The following TNRC6B variants were observed in gnomAD, a reference collection of about 807,000 sequenced individuals.
TNRC6B encodes the protein trinucleotide repeat-containing gene 6B protein.
TNRC6B carries 52 observed loss-of-function variants against 203.6 expected under a neutral mutation model. The observed-to-expected ratio is 0.26, with a 90% CI of 0.20 to 0.32. The LOEUF is 0.32. TNRC6B is among the 10% of genes least tolerant of loss of function. The probability of loss-of-function intolerance (pLI) is 1.00; values close to 1 mark genes in which losing one functional copy is unlikely to be tolerated. For synonymous variants in TNRC6B, 838 were observed against 845.7 expected (o/e 0.99, Z 0.16); for missense variants, 1,923 against 2,286.2 (o/e 0.84, Z 3.24).
chr22:40,322,925 A>C lies in TNRC6B; in HGVS notation c.5186A>C (p.Gln1729Pro). Residue 1729 changes from glutamine (Q) to proline (P), a missense_variant, in exon 23 of 23, where the codon CAA becomes CCA. By Grantham distance (76) the Gln-to-Pro change is moderately conservative. This residue lies in a region of TNRC6B where 126 missense variants were observed against 137.5 expected (regional missense o/e 0.92). Coordinates refer to ENST00000454349, the MANE Select transcript of TNRC6B (RefSeq NM_001162501.2). The stretch of plus-strand genomic sequence containing the variant: ...GATGAAGTCAGCCGCTTTCTGGCAC[A>C]AGCTCAGCCCCCTACACCTGCAGCA... Reference protein sequence around the residue: ...TDDEVSRFLAQAQPPTPAATP... With the variant: ...TDDEVSRFLAPAQPPTPAATP... The C allele has an allele frequency of 6.2e-7, 1 of 1,613,898 alleles. No individual in the cohort carries two copies. Among genetic ancestry groups the C allele is most frequent in the Non-Finnish European group, 8.5e-7 (1 of 1,179,848 alleles).
intron 3 of TNRC6B, among the ~76,000 whole-genome samples, chr22:40,144,025 A>G (rs988816411): frequency 2.6e-5 from 4 of 152,238 alleles, no homozygotes; most frequent in Non-Finnish European, 4.4e-5. Context: ...TAATGCCATT[A>G]TACACTCACC....
In TNRC6B at chr22:40,283,228, T is replaced by C. The variant is rs1044354634; in HGVS notation, c.3582+1939T>C. 7.9e-5 allele frequency among the ~76,000 whole-genome samples: 12 copies of C among 152,168 alleles called. No homozygotes were observed. In the South Asian group the frequency reaches 1.5e-3, roughly 18 times the overall value. Reference sequence around the variant, plus strand: ...TAATTTTTTGTATTTTTAGTAGAGATGGAGTTTCACCATGTTAGCCGGGAT... The same window carrying C: ...TAATTTTTTGTATTTTTAGTAGAGACGGAGTTTCACCATGTTAGCCGGGAT... On this transcript the variant is annotated intron_variant, in intron 11 of 22. Coordinates refer to ENST00000454349, the MANE Select transcript of TNRC6B (RefSeq NM_001162501.2).
At chr22:40,075,156 A>ATTTTTTTTTTTTTTTTT (rs58240994) in intron 1 of TNRC6B, among the ~76,000 whole-genome samples, 23 of 35,568 alleles carry the variant, frequency 6.5e-4, no homozygotes, top group South Asian at 2.1e-3. Flanking sequence ...ATATATATAT[A>ATTTTTTTTTTTTTTTTT]TTTTTTTTTT....
intron 3 of TNRC6B, among the ~76,000 whole-genome samples, chr22:40,132,943 C>CAAAAATAAAAAATAAAAAAAAAAA (rs1292227314): frequency 4.2e-5 from 1 of 23,872 alleles, no homozygotes. Flanking sequence ...GACTCTGTCT[C>CAAAAATAAAAAATAAAAAAAAAAA]AAAAAAAAAA....
chr22:40,124,706 G>A (rs1397669898), intron 2 of TNRC6B, among the ~76,000 whole-genome samples: 1 of 151,918 alleles, frequency 6.6e-6, no homozygotes, highest in African/African-American at 2.4e-5. Flanking sequence ...GGAGATTTGT[G>A]TCATTTGAAT....
At chr22:40,291,615 G>A (rs2070870302) in intron 12 of TNRC6B, among the ~76,000 whole-genome samples, 2 of 152,094 alleles carry the variant, frequency 1.3e-5, no homozygotes, top group South Asian at 2.1e-4. Flanking sequence ...TAGCATTCAC[G>A]GTGATCATAA....
At chr22:40,117,801 A>T (rs923045710) in intron 2 of TNRC6B, among the ~76,000 whole-genome samples, 4 of 151,976 alleles carry the variant, frequency 2.6e-5, no homozygotes, top group Non-Finnish European at 2.9e-5. Context: ...TTTCTTTTTC[A>T]TCTGTATTCT....
At chr22:40,317,089 C>G (rs2071270279) in intron 21 of TNRC6B, among the ~76,000 whole-genome samples, 1 of 152,204 alleles carries the variant, frequency 6.6e-6, no homozygotes, top group Non-Finnish European at 1.5e-5. Context: ...AAGACCTGAA[C>G]CTATACTTCC....
At chr22:40,249,989 G>T (rs980049374) in intron 2 of TNRC6B, among the ~76,000 whole-genome samples, 3 of 152,156 alleles carry the variant, frequency 2.0e-5, no homozygotes, top group Non-Finnish European at 4.4e-5. Context: ...GATCCATTGC[G>T]AGGTGGGCTG....
chr22:40,083,508 G>T (rs989183330), intron 1 of TNRC6B, among the ~76,000 whole-genome samples: 1 of 152,134 alleles, frequency 6.6e-6, no homozygotes, highest in Non-Finnish European at 1.5e-5. Flanking sequence ...TGGCTGTGAA[G>T]GGAGCAGAAA....
upstream of TNRC6B, among the ~76,000 whole-genome samples, chr22:40,176,527 A>G (rs2069062879): frequency 6.6e-6 from 1 of 152,064 alleles, no homozygotes; most frequent in South Asian, 2.1e-4. Context: ...TCATTCCCCT[A>G]CATTTTTTAT....
chr22:40,280,299 T>C (rs1036514649), intron 10 of TNRC6B, among the ~76,000 whole-genome samples, 156 bp downstream of exon 10: 3 of 152,198 alleles, frequency 2.0e-5, no homozygotes, highest in East Asian at 1.9e-4. Context: ...CTGAAAACCA[T>C]TGATGTCAAC....
chr22:40,259,024 C>A (rs1449088115), intron 3 of TNRC6B, among the ~76,000 whole-genome samples: 1 of 152,186 alleles, frequency 6.6e-6, no homozygotes, highest in East Asian at 1.9e-4. Flanking sequence ...GTCCTAAAAA[C>A]CAGTTGGGAT....
chr22:40,213,727 C>T (rs563851700), intron 1 of TNRC6B, among the ~76,000 whole-genome samples: 2 of 152,174 alleles, frequency 1.3e-5, no homozygotes, highest in South Asian at 2.1e-4. Flanking sequence ...GTGCAGTGAT[C>T]GCACAGCTAG....
intron 3 of TNRC6B, among the ~76,000 whole-genome samples, chr22:40,137,731 C>T (rs2068611544): frequency 6.6e-6 from 1 of 152,162 alleles, no homozygotes; most frequent in Non-Finnish European, 1.5e-5. Flanking sequence ...CACCTATAAT[C>T]CCAGCACTTT....
Position 40,266,371 on chromosome 22 carries a change from C to G in TNRC6B, c.2141C>G (p.Pro714Arg). ...NNSSNWGGGR[P>R]DEKTPSSWNE... is the part of the protein sequence containing the mutation. ...TCTTCCAACTGGGGAGGAGGACGACCTGATGAAAAGACACCTTCCTCTTGG... is the reference window on the plus strand; with the variant it reads ...TCTTCCAACTGGGGAGGAGGACGACGTGATGAAAAGACACCTTCCTCTTGG... The change falls in exon 5 of 23, where the codon CCT becomes CGT. Residue 714 changes from proline to arginine, a missense_variant. This residue lies in a region of TNRC6B where 599 missense variants were observed against 656.5 expected (regional missense o/e 0.91). Coordinates refer to ENST00000454349, the MANE Select transcript of TNRC6B (RefSeq NM_001162501.2). 6.2e-7 allele frequency: 1 copy of G among 1,613,026 alleles called. No homozygotes were observed. Among genetic ancestry groups the G allele is most frequent in the Non-Finnish European group, 8.5e-7 (1 of 1,179,542 alleles).
Position 40,315,862 on chromosome 22 carries a change from A to G in TNRC6B, c.4904-80A>G, listed in dbSNP as rs375306746. 3.4e-5 allele frequency: 36 copies of G among 1,049,850 alleles called. No homozygotes were observed. The East Asian group carries it at 8.4e-4, about 24-fold the overall frequency. 65.0% of individuals were successfully genotyped at this position (1,049,850 alleles called of 1,614,324 possible). On this transcript the variant is annotated intron_variant, in intron 20 of 22. Transcript: ENST00000454349. The stretch of plus-strand genomic sequence containing the variant: ...TAAAAGCAGAGAAGAAATGTGAGCT[A>G]CATGAAAATCTTTCTCCCTCATGGC...
chr22:40,231,937 AG>A (rs2146451142), intron 1 of TNRC6B, among the ~76,000 whole-genome samples: 1 of 152,296 alleles, frequency 6.6e-6, no homozygotes, highest in South Asian at 2.1e-4. Context: ...AGATCTAAGA[AG>A]GGTACCTCTC....
At chr22:40,256,771 A>C (rs139812420) in intron 3 of TNRC6B, among the ~76,000 whole-genome samples, 2 of 152,350 alleles carry the variant, frequency 1.3e-5, no homozygotes, top group African/African-American at 4.8e-5. Flanking sequence ...AAGCCCACAC[A>C]GGAAGAGGAA....
Sources: gnomAD v4.1 joint callset for allele counts (sites outside exome capture counted in the v4.1 genomes callset) on GRCh38, gnomAD v4.1.1 for gene constraint, gnomAD v4.1.1 regional missense constraint, MANE v1.5 for transcripts, NCBI Gene and HGNC (gene_info 2026-07-23, HGNC 2026-07-21) for gene names.